CSTPP1: variants seen among roughly 807,000 people sequenced by gnomAD.
CSTPP1 encodes the protein centriolar satellite-associated tubulin polyglutamylase complex regulator 1.
At chr11:47,162,586 G>A in the CSTPP1 span, among the ~76,000 whole-genome samples, 1 of 152,152 alleles carries the variant, frequency 6.6e-6, no homozygotes, top group South Asian at 2.1e-4. Context: ...TAGAACAGTG[G>A]GATGCAGCTG....
chr11:46,997,044 C>T, the CSTPP1 span, among the ~76,000 whole-genome samples: 3 of 152,144 alleles, frequency 2.0e-5, no homozygotes. Flanking sequence ...TGGAGTTGCT[C>T]TTCTCGAGGA....
At chr11:46,963,934 C>G in the CSTPP1 span, among the ~76,000 whole-genome samples, 1 of 151,956 alleles carries the variant, frequency 6.6e-6, no homozygotes, top group Non-Finnish European at 1.5e-5. Context: ...CTTGATCATG[C>G]TAAAACACCT....
chr11:47,160,938 G>GT, the CSTPP1 span: 2 of 679,838 alleles, frequency 2.9e-6, no homozygotes, highest in Admixed American at 5.8e-5. Flanking sequence ...TTCAATAAAT[G>GT]TATCAAGCAA....
chr11:47,007,717 A>C, the CSTPP1 span, among the ~76,000 whole-genome samples: 4 of 152,076 alleles, frequency 2.6e-5, no homozygotes, highest in Admixed American at 2.0e-4. Flanking sequence ...AAATTGAAAA[A>C]CTATACAGAT....
At chr11:47,069,375 T>C in the CSTPP1 span, among the ~76,000 whole-genome samples, 4 of 152,224 alleles carry the variant, frequency 2.6e-5, no homozygotes, top group Non-Finnish European at 4.4e-5. Flanking sequence ...GTCTCTGAGA[T>C]GAATGTATGA....
chr11:46,949,884 G>A, the CSTPP1 span, among the ~76,000 whole-genome samples: 4 of 152,042 alleles, frequency 2.6e-5, no homozygotes, highest in African/African-American at 9.7e-5. Flanking sequence ...TGTTGGCCAG[G>A]CTGGTCTCAA....
the CSTPP1 span, among the ~76,000 whole-genome samples, chr11:47,032,128 A>C: frequency 6.6e-6 from 1 of 152,164 alleles, no homozygotes; most frequent in Non-Finnish European, 1.5e-5. Context: ...CCTCACCGAC[A>C]CACCCAGGAT....
the CSTPP1 span, among the ~76,000 whole-genome samples, chr11:47,045,711 A>C: frequency 6.6e-6 from 1 of 152,232 alleles, no homozygotes; most frequent in Non-Finnish European, 1.5e-5. Flanking sequence ...AGTAGTGAGC[A>C]TGAAAATTGA....
the CSTPP1 span, among the ~76,000 whole-genome samples, chr11:47,119,560 C>G: frequency 1.6e-4 from 24 of 149,606 alleles, no homozygotes; most frequent in African/African-American, 5.4e-4. Context: ...AGCTACAGAA[C>G]GGAGCTGTTC....
chr11:47,122,521 A>G, the CSTPP1 span, among the ~76,000 whole-genome samples: 3 of 152,218 alleles, frequency 2.0e-5, no homozygotes, highest in South Asian at 6.2e-4. Context: ...GTTAAGATAC[A>G]ATTTATATAC....
At chr11:47,045,635 T>C in the CSTPP1 span, among the ~76,000 whole-genome samples, 1 of 152,208 alleles carries the variant, frequency 6.6e-6, no homozygotes, top group Admixed American at 6.5e-5. Context: ...TATTAAAGGA[T>C]TATGGATCTT....
At chr11:47,053,527 G>A in the CSTPP1 span, among the ~76,000 whole-genome samples, 1 of 151,156 alleles carries the variant, frequency 6.6e-6, no homozygotes, top group African/African-American at 2.4e-5. Flanking sequence ...GCTGAGGAAC[G>A]AAAATCGTTT....
chr11:46,947,979 C>T, the CSTPP1 span: 20 of 444,092 alleles, frequency 4.5e-5, no homozygotes, highest in South Asian at 3.1e-4. Flanking sequence ...CTGTGGCCAA[C>T]TTACAAAGAC....
At chr11:46,996,385 G>C in the CSTPP1 span, among the ~76,000 whole-genome samples, 1 of 151,502 alleles carries the variant, frequency 6.6e-6, no homozygotes, top group Non-Finnish European at 1.5e-5. Flanking sequence ...CTCACTGCAA[G>C]CTCCGCCTCC....
chr11:46,984,517 G>A, the CSTPP1 span, among the ~76,000 whole-genome samples: 70 of 151,992 alleles, frequency 4.6e-4, no homozygotes, highest in African/African-American at 1.7e-3. Context: ...AAACATGCAT[G>A]GTCCAATATA....
At chr11:46,947,906 G>A in the CSTPP1 span, 1 of 385,280 alleles carries the variant, frequency 2.6e-6, no homozygotes, top group Non-Finnish European at 5.2e-6. Context: ...CGGGGATAGA[G>A]CTGCATTAGG....
the CSTPP1 span, among the ~76,000 whole-genome samples, chr11:47,122,069 CAAAAAAAAA>C: frequency 9.1e-5 from 2 of 21,986 alleles, no homozygotes; most frequent in African/African-American, 4.0e-4. Flanking sequence ...GACCCTGTCT[CAAAAAAAAA>C]AAAAAAAAAA....
the CSTPP1 span, among the ~76,000 whole-genome samples, chr11:47,111,834 A>T: frequency 6.6e-6 from 1 of 152,186 alleles, no homozygotes; most frequent in African/African-American, 2.4e-5. Flanking sequence ...GTAAATACAG[A>T]TGTAGATACC....
At chr11:47,047,004 G>A in the CSTPP1 span, among the ~76,000 whole-genome samples, 4 of 151,224 alleles carry the variant, frequency 2.6e-5, no homozygotes, top group African/African-American at 4.9e-5. Context: ...GGGTTCAAGC[G>A]GTTCTTCTGC....
Sources: gnomAD v4.1 joint callset for allele counts (sites outside exome capture counted in the v4.1 genomes callset) on GRCh38, gnomAD v4.1.1 for gene constraint, MANE v1.5 for transcripts, NCBI Gene and HGNC (gene_info 2026-07-23, HGNC 2026-07-21) for gene names.